Variants in AP3B1 observed in about 807,000 individuals in gnomAD.
AP3B1 encodes AP-3 complex subunit beta-1.
Under a neutral mutation model 132.5 loss-of-function variants are expected in AP3B1, and 61 were observed. The observed-to-expected ratio is 0.46, with a 90% CI of 0.37 to 0.57. The LOEUF (loss-of-function observed/expected upper bound fraction) is 0.57, where lower values mean the gene tolerates loss of function less well. AP3B1 is among the 20% of genes least tolerant of loss of function. AP3B1 has a pLI of 0.00. For missense variants in AP3B1, 1,120 were observed against 1,289.4 expected (o/e 0.87, Z 2.01); for synonymous variants, 388 against 438.3 (o/e 0.89, Z 1.43).
chr5:78,032,711 C>T (rs536796953), intron 24 of AP3B1, among the ~76,000 whole-genome samples: 1 of 151,758 alleles, frequency 6.6e-6, no homozygotes, highest in Non-Finnish European at 1.5e-5. Flanking sequence ...TTTGATCTAG[C>T]ATGCTGTTGT....
intron 18 of AP3B1, among the ~76,000 whole-genome samples, chr5:78,114,345 G>T (rs1486847832): frequency 6.6e-6 from 1 of 152,022 alleles, no homozygotes; most frequent in Non-Finnish European, 1.5e-5. Flanking sequence ...GGCAACAGTT[G>T]AATCTTCTTA....
intron 24 of AP3B1, among the ~76,000 whole-genome samples, chr5:78,026,403 G>C (rs1747343695): frequency 6.6e-6 from 1 of 152,148 alleles, no homozygotes; most frequent in Admixed American, 6.5e-5. Context: ...AAGTTTGTAG[G>C]TAAGAGAAAC....
At chr5:78,020,583 A>T in intron 25 of AP3B1, 109 bp downstream of exon 25, 1 of 839,084 alleles carries the variant, frequency 1.2e-6, no homozygotes, top group Non-Finnish European at 2.0e-6. Flanking sequence ...TTGTGCACTA[A>T]TATCTGTTAA....
chr5:78,279,201 T>G (rs7723810), intron 1 of AP3B1, among the ~76,000 whole-genome samples: 34,265 of 152,000 alleles, frequency 0.23, 4,514 homozygotes, highest in Middle Eastern at 0.31. Context: ...TGAATGGGAG[T>G]TATGAGATAT....
chr5:78,101,325 C>T (rs1307511015), intron 20 of AP3B1: 5 of 456,536 alleles, frequency 1.1e-5, no homozygotes, highest in African/African-American at 4.0e-5. Context: ...AACATAAAAA[C>T]GTAAAGTGGC....
At chr5:78,209,033 T>TAAAATTGATAAATC (rs1177103165) in intron 7 of AP3B1, among the ~76,000 whole-genome samples, 3 of 151,972 alleles carry the variant, frequency 2.0e-5, no homozygotes, top group African/African-American at 7.3e-5. Context: ...ACATAATGCC[T>TAAAATTGATAAATC]AAAATTGATA....
rs1324308381 is a variant in AP3B1, at chr5:78,008,301, T to C, written c.3132-5246A>G. On this transcript the variant is annotated intron_variant, in intron 26 of 26. Transcript: ENST00000255194. ...GAAAAGCATCAAGAATACCTTTCTTTCATTTTTACGTGAAACAGTTACAGA... is the reference window on the plus strand; with the variant it reads ...GAAAAGCATCAAGAATACCTTTCTTCCATTTTTACGTGAAACAGTTACAGA... Among the ~76,000 whole-genome samples the C allele has an allele frequency of 2.0e-5, 3 of 152,244 alleles. No homozygotes were observed. The East Asian group carries it at 5.8e-4, about 29-fold the overall frequency.
chr5:78,120,611 G>C (rs542907908), intron 17 of AP3B1, among the ~76,000 whole-genome samples: 1 of 151,870 alleles, frequency 6.6e-6, no homozygotes, highest in Non-Finnish European at 1.5e-5. Flanking sequence ...ATTACATAAT[G>C]GTAAAGGGAT....
chr5:78,085,300 A>G (rs1254831925), intron 22 of AP3B1, among the ~76,000 whole-genome samples: 2 of 152,110 alleles, frequency 1.3e-5, no homozygotes, highest in Admixed American at 1.3e-4. Flanking sequence ...ACATTTTTTC[A>G]TTACTACCAC....
rs58834256 is a variant in AP3B1, at chr5:78,023,439, CAAGAAAAGAA to C, written c.2895-2660_2895-2651del. ...CCTAGGTGATAGAGTGAGACCCCAT[CAAGAAAAGAA>C]AAGAAAAGAAAAGAAAAGAAAAAAG... is the stretch of plus-strand genomic sequence containing the variant. On this transcript the variant is annotated intron_variant, in intron 24 of 26. Coordinates refer to ENST00000255194, the MANE Select transcript of AP3B1 (RefSeq NM_003664.5). Among the ~76,000 whole-genome samples, 1,446 of 148,630 alleles carry C rather than the reference CAAGAAAAGAA, an allele frequency of 9.7e-3. 15 individuals are homozygous for C. The highest frequency in any genetic ancestry group is 0.022 in the African/African-American group (899 of 40,132).
intron 18 of AP3B1, among the ~76,000 whole-genome samples, chr5:78,115,251 G>T (rs1751773637): frequency 6.6e-6 from 1 of 152,108 alleles, no homozygotes; most frequent in Non-Finnish European, 1.5e-5. Flanking sequence ...TAAAAACAAA[G>T]ATTTTTGATA....
intron 26 of AP3B1, among the ~76,000 whole-genome samples, chr5:78,007,774 T>C (rs1030822682): frequency 2.0e-5 from 3 of 152,222 alleles, no homozygotes; most frequent in Non-Finnish European, 4.4e-5. Flanking sequence ...AAATTCTATT[T>C]TGTTGACTAT....
At chr5:78,037,830 A>C (rs553796595) in intron 23 of AP3B1, among the ~76,000 whole-genome samples, 2 of 152,356 alleles carry the variant, frequency 1.3e-5, no homozygotes, top group African/African-American at 4.8e-5. Flanking sequence ...CTTTTAATTG[A>C]GGTTTTGCCT....
At chr5:78,115,151 G>C (rs1031005482) in intron 18 of AP3B1, among the ~76,000 whole-genome samples, 1 of 152,056 alleles carries the variant, frequency 6.6e-6, no homozygotes, top group Non-Finnish European at 1.5e-5. Context: ...CAAGTTACAC[G>C]CACATACATA....
intron 1 of AP3B1, among the ~76,000 whole-genome samples, chr5:78,272,004 T>G (rs1427062348): frequency 6.6e-6 from 1 of 152,198 alleles, no homozygotes; most frequent in Non-Finnish European, 1.5e-5. Context: ...GTCCAGCACT[T>G]TTAAAGATTT....
At chr5:78,118,851 G>T (rs899587832) in intron 17 of AP3B1, among the ~76,000 whole-genome samples, 35 of 152,310 alleles carry the variant, frequency 2.3e-4, no homozygotes, top group African/African-American at 8.4e-4. Context: ...CGCAGCTGGA[G>T]ATCTGAGAAC....
intron 5 of AP3B1, 91 bp downstream of exon 5, chr5:78,227,281 A>G (rs1484469023): frequency 1.6e-6 from 2 of 1,248,412 alleles, no homozygotes; most frequent in Middle Eastern, 2.3e-4. Flanking sequence ...AGAGCAGCCT[A>G]CCTAAAAGAG....
intron 26 of AP3B1, chr5:78,003,456 T>C (rs1454912894): frequency 2.5e-6 from 2 of 796,340 alleles, no homozygotes; most frequent in South Asian, 1.2e-4. Context: ...TAAGAAAAGG[T>C]ACCTTTCTCA....
At chr5:78,233,685 G>A (rs1323441319) in intron 3 of AP3B1, among the ~76,000 whole-genome samples, 1 of 152,192 alleles carries the variant, frequency 6.6e-6, no homozygotes, top group Non-Finnish European at 1.5e-5. Context: ...AAATGTGTAA[G>A]GCCCTACATC....
Sources: gnomAD v4.1 joint callset for allele counts (sites outside exome capture counted in the v4.1 genomes callset) on GRCh38, gnomAD v4.1.1 for gene constraint, MANE v1.5 for transcripts, NCBI Gene and HGNC (gene_info 2026-07-23, HGNC 2026-07-21) for gene names.